Variants in KLHL25 observed in about 807,000 individuals in gnomAD.
KLHL25 encodes kelch-like protein 25.
Under a neutral mutation model 30.0 loss-of-function variants are expected in KLHL25, and 41 were observed. That is an observed-to-expected ratio of 1.37 (90% confidence interval 1.07 to 1.78). KLHL25 has a LOEUF of 1.78. Among genes scored for constraint, KLHL25 ranks in the 40% most tolerant of loss-of-function variants. The pLI is 0.00. For synonymous variants in KLHL25, 399 were observed against 355.3 expected (o/e 1.12, Z -1.38); for missense variants, 971 against 824.5 (o/e 1.18, Z -2.18).
chr15:85,770,391 G>A (rs62025272), intron 1 of KLHL25: 94,536 of 470,484 alleles, frequency 0.2, 10,459 homozygotes, highest in African/African-American at 0.25. Context: ...TGCTGTGGAC[G>A]CCCAAGCAGA....
chr15:85,791,452 G>A (rs1404900137), intron 1 of KLHL25, among the ~76,000 whole-genome samples: 6 of 151,736 alleles, frequency 4.0e-5, no homozygotes, highest in South Asian at 2.1e-4. Flanking sequence ...CCAAGATGGC[G>A]CCATTGCACT....
intron 1 of KLHL25, among the ~76,000 whole-genome samples, chr15:85,775,999 C>T (rs540490031): frequency 0.014 from 2,074 of 151,762 alleles, 16 homozygotes; most frequent in Middle Eastern, 0.037. Flanking sequence ...TGGTGAAACC[C>T]CGTCTCTACT....
intron 2 of KLHL25, among the ~76,000 whole-genome samples, chr15:85,766,911 C>A (rs2089629228): frequency 6.6e-6 from 1 of 152,198 alleles, no homozygotes; most frequent in South Asian, 2.1e-4. Flanking sequence ...CTGTTCCCAC[C>A]ATGCAGGCTT....
chr15:85,780,567 G>A (rs2089736818), intron 1 of KLHL25, among the ~76,000 whole-genome samples: 1 of 152,188 alleles, frequency 6.6e-6, no homozygotes, highest in Admixed American at 6.5e-5. Context: ...AGTCTTGGAG[G>A]AACACAAACA....
chr15:85,771,205 A>AG (rs1291893237), intron 1 of KLHL25: 1 of 153,044 alleles, frequency 6.5e-6, no homozygotes, highest in Non-Finnish European at 1.5e-5. Flanking sequence ...AAGCCTGAAA[A>AG]AAAAAAAAAA....
intron 1 of KLHL25, among the ~76,000 whole-genome samples, chr15:85,778,267 T>G (rs185274326): frequency 6.6e-6 from 1 of 152,300 alleles, no homozygotes; most frequent in East Asian, 1.9e-4. Flanking sequence ...AGCACTTCTA[T>G]TCACATCTCA....
At chr15:85,767,986 C>G in intron 2 of KLHL25, 31 bp downstream of exon 2, 1 of 1,441,706 alleles carries the variant, frequency 6.9e-7, no homozygotes, top group African/African-American at 1.4e-5. Context: ...CTTTCCGGAC[C>G]CAGAGTGGCC....
intron 1 of KLHL25, among the ~76,000 whole-genome samples, chr15:85,791,141 G>A (rs747401064): frequency 2.6e-4 from 38 of 146,900 alleles, no homozygotes; most frequent in Non-Finnish European, 5.2e-4. Flanking sequence ...ATTGCAGTGA[G>A]CTGAGATCAC....
intron 1 of KLHL25, among the ~76,000 whole-genome samples, chr15:85,791,201 AAAAAAAG>A (rs2089814422): frequency 6.6e-6 from 1 of 150,944 alleles, no homozygotes; most frequent in Non-Finnish European, 1.5e-5. Flanking sequence ...TCTCAAAAAA[AAAAAAAG>A]AAAAATGCCA....
Position 85,769,836 on chromosome 15 carries a change from G to A in KLHL25, c.-10-16C>T, listed in dbSNP as rs766553914. On this transcript the variant is annotated splice_polypyrimidine_tract_variant and intron_variant, in intron 1 of 2. Coordinates refer to ENST00000337975, the MANE Select transcript of KLHL25 (RefSeq NM_022480.4). The stretch of plus-strand genomic sequence containing the variant: ...GGTGCGTCAGCTTGTGGGGGAACAA[G>A]CCCACAGGTTAGAGGAGCCCCTCCT... 2.0e-5 allele frequency: 31 copies of A among 1,587,186 alleles called. No individual in the cohort carries two copies. The highest frequency in any genetic ancestry group is 2.5e-5 in the Non-Finnish European group (29 of 1,167,680).
At chr15:85,786,427 G>A (rs1015119161) in intron 1 of KLHL25, among the ~76,000 whole-genome samples, 1 of 152,234 alleles carries the variant, frequency 6.6e-6, no homozygotes, top group Non-Finnish European at 1.5e-5. Context: ...ATGGTCAGCA[G>A]TTCCCTGGCT....
At chr15:85,780,824 T>C (rs1182792557) in intron 1 of KLHL25, among the ~76,000 whole-genome samples, 1 of 152,170 alleles carries the variant, frequency 6.6e-6, no homozygotes, top group Non-Finnish European at 1.5e-5. Flanking sequence ...GGAAACATCT[T>C]ACAAAATGAC....
At chr15:85,788,812 G>C (rs115628086) in intron 1 of KLHL25, among the ~76,000 whole-genome samples, 14 of 152,166 alleles carry the variant, frequency 9.2e-5, no homozygotes, top group Non-Finnish European at 2.1e-4. Flanking sequence ...TTCCAAGCCT[G>C]TGAACAACAA....
rs750754856 is a variant in KLHL25 at position 85,768,650 on chromosome 15, C to T, written c.1161G>A (p.Glu387=). The stretch of plus-strand genomic sequence containing the variant: ...GTCCCCCCACCACATAGAGGCAGTT[C>T]TCCAGCTCAGCTGAGCCATGGCCAA... ...ARFGHGSAEL[E]NCLYVVGGHT... Residue 387 remains glutamate, a synonymous_variant, in exon 2 of 3, where the codon GAG becomes GAA. Coordinates refer to ENST00000337975, the MANE Select transcript of KLHL25 (RefSeq NM_022480.4). 7 of 1,613,222 alleles carry T rather than the reference C, an allele frequency of 4.3e-6. No individual in the cohort carries two copies. Among genetic ancestry groups the T allele is most frequent in the Non-Finnish European group, 5.9e-6 (7 of 1,179,542 alleles).
rs572518016 is a variant in KLHL25, at chr15:85,790,383, C to T, written c.-11+4383G>A. 1.8e-4 allele frequency among the ~76,000 whole-genome samples: 28 copies of T among 152,102 alleles called. No homozygotes were observed. In the East Asian group the frequency reaches 3.7e-3, roughly 20 times the overall value. On this transcript the variant is annotated intron_variant, in intron 1 of 2. Coordinates refer to ENST00000337975, the MANE Select transcript of KLHL25 (RefSeq NM_022480.4). ...GATTACAGGGGTGAGCCACCTCGCC[C>T]GGTCCATTCCTGACTTCTAAATTGG...
chr15:85,790,853 T>C (rs900719556), intron 1 of KLHL25, among the ~76,000 whole-genome samples: 1 of 151,158 alleles, frequency 6.6e-6, no homozygotes, highest in East Asian at 1.9e-4. Context: ...GCAGAAAATA[T>C]GGTGCAATTT....
chr15:85,789,325 A>G lies in KLHL25; in HGVS notation c.-11+5441T>C, dbSNP rs748107214. On this transcript the variant is annotated intron_variant, in intron 1 of 2. Coordinates refer to ENST00000337975, the MANE Select transcript of KLHL25 (RefSeq NM_022480.4). The surrounding 1 kb of genome is among the most constrained non-coding windows in gnomAD (Gnocchi z 4.1). ...GCTTCCCCGTGGGAGGAGCCATCCA[A>G]CTGGTCTTGCAGGCTGGTGCTCAGT... Among the ~76,000 whole-genome samples the G allele has an allele frequency of 6.6e-5, 10 of 151,224 alleles. No individual in the cohort carries two copies. Among genetic ancestry groups the G allele is most frequent in the East Asian group, 1.9e-4 (1 of 5,148 alleles).
intron 2 of KLHL25, among the ~76,000 whole-genome samples, chr15:85,765,621 C>CAAA (rs200486890): frequency 2.6e-5 from 2 of 75,540 alleles, no homozygotes; most frequent in Non-Finnish European, 5.2e-5. Context: ...GAGACTGTCT[C>CAAA]AAAAAAAAAA....
chr15:85,767,901 G>T, intron 2 of KLHL25, 116 bp downstream of exon 2: 1 of 679,372 alleles, frequency 1.5e-6, no homozygotes. Context: ...GCCACCTGCT[G>T]CCCACCCAGA....
Sources: allele counts gnomAD v4.1 joint callset (sites outside exome capture counted in the v4.1 genomes callset), GRCh38; gene constraint gnomAD v4.1.1; non-coding constraint Gnocchi (gnomAD v3.1); transcripts MANE v1.5; gene names NCBI Gene and HGNC (gene_info 2026-07-23, HGNC 2026-07-21).